Variants in AXDND1 observed in about 807,000 individuals in gnomAD.
AXDND1 encodes the protein axonemal dynein light chain domain containing 1.
A neutral mutation model predicts 137.5 loss-of-function variants in AXDND1; 110 were observed. That is an observed-to-expected ratio of 0.80 (90% CI 0.69 to 0.94). The LOEUF is 0.94. AXDND1 is among the 40% of genes least tolerant of loss of function. The probability of loss-of-function intolerance (pLI) is 0.00; values close to 1 mark genes in which losing one functional copy is unlikely to be tolerated. For missense variants in AXDND1, 1,191 were observed against 1,169.8 expected (o/e 1.02, Z -0.26); for synonymous variants, 414 against 399.7 (o/e 1.04, Z -0.43).
intron 17 of AXDND1, 96 bp from the exon 18 acceptor site, chr1:179,483,032 A>T (rs1665610960): frequency 1.3e-6 from 1 of 769,946 alleles, no homozygotes. Flanking sequence ...CTAAGTTTAC[A>T]ATACCCAGCC....
chr1:179,506,208 G>A (rs1668524455), intron 20 of AXDND1, among the ~76,000 whole-genome samples: 1 of 152,058 alleles, frequency 6.6e-6, no homozygotes, highest in Admixed American at 6.5e-5. Context: ...TAGAATTAGA[G>A]TCACTGATAC....
At position 179,468,483 on chromosome 1, in the gene AXDND1, C is replaced by T. The variant is rs773804954; in HGVS notation, c.1839C>T (p.Asp613=). 3 of 1,612,698 alleles carry T rather than the reference C, an allele frequency of 1.9e-6. No individual in the cohort carries two copies. The highest frequency in any genetic ancestry group is 1.3e-5 in the African/African-American group (1 of 74,896). ...TTCCAAGTTTGATTAGTTCTCTTGA[C>T]TTCTGTTCTTTCAAGTTGGAAAACC... ...KILPSLISSL[D]FCSFKLENLE... is the part of the protein sequence containing the mutation. Residue 613 remains aspartate (D), a synonymous_variant, in exon 17 of 26, where the codon GAC becomes GAT. Coordinates refer to ENST00000367618, the MANE Select transcript of AXDND1 (RefSeq NM_144696.6).
intron 23 of AXDND1, 112 bp from the exon 24 acceptor site, chr1:179,533,683 T>C (rs1194959970): frequency 1.4e-6 from 1 of 696,628 alleles, no homozygotes; most frequent in East Asian, 3.0e-5. Flanking sequence ...TAGATAGATA[T>C]GGGTAGTAGA....
At chr1:179,530,099 G>T (rs145436172) in intron 23 of AXDND1, among the ~76,000 whole-genome samples, 2,778 of 152,126 alleles carry the variant, frequency 0.018, 94 homozygotes, top group African/African-American at 0.064. Context: ...GTGCAATCTC[G>T]GCTCACTGCA....
At chr1:179,522,988 A>G (rs1378917837) in intron 21 of AXDND1, among the ~76,000 whole-genome samples, 1 of 151,380 alleles carries the variant, frequency 6.6e-6, no homozygotes, top group Non-Finnish European at 1.5e-5. Flanking sequence ...TTTTGCTTTT[A>G]TAAATATTGC....
Position 179,534,877 on chromosome 1 carries a change from T to G in AXDND1, c.2946T>G (p.Asp982Glu). The G allele has an allele frequency of 6.2e-7, 1 of 1,605,844 alleles. No individual in the cohort carries two copies. Among genetic ancestry groups the G allele is most frequent in the Non-Finnish European group, 8.5e-7 (1 of 1,177,274 alleles). The stretch of plus-strand genomic sequence containing the variant: ...CTAAAGAAGAGAAAGAAAATCAAGA[T>G]GAAAGAGAAGTAAAAGAAGAAGAAG... ...KESKEEKENQ[D>E]EREVKEEEEQ... is the part of the protein sequence containing the mutation. The change falls in exon 25 of 26, where the codon GAT (aspartate) becomes GAG (glutamate). Residue 982 changes from aspartate (D) to glutamate (E), a missense_variant. Physicochemically the swap from Asp to Glu is conservative, Grantham distance 45. Transcript: ENST00000367618.
chr1:179,396,123 T>G (rs539468886), intron 11 of AXDND1, among the ~76,000 whole-genome samples: 7 of 151,248 alleles, frequency 4.6e-5, no homozygotes, highest in Non-Finnish European at 8.8e-5. Context: ...GAGCTGAGTT[T>G]GTGCCACTGC....
intron 12 of AXDND1, among the ~76,000 whole-genome samples, chr1:179,428,626 AT>A (rs1400525508): frequency 6.6e-6 from 1 of 152,204 alleles, no homozygotes; most frequent in African/African-American, 2.4e-5. Flanking sequence ...TGCCTTTTTC[AT>A]TCTCATTCTT....
chr1:179,460,894 G>A (rs1243149579), intron 16 of AXDND1, among the ~76,000 whole-genome samples: 1 of 152,070 alleles, frequency 6.6e-6, no homozygotes, highest in African/African-American at 2.4e-5. Context: ...TTGTTGATGG[G>A]GTTGTTTGTT....
Position 179,491,610 on chromosome 1 carries a change from G to A in AXDND1, c.2164G>A (p.Asp722Asn), listed in dbSNP as rs144846426. The A allele has an allele frequency of 2.8e-5, 45 of 1,613,542 alleles. No homozygotes were observed. The highest frequency in any genetic ancestry group is 3.4e-5 in the Non-Finnish European group (40 of 1,179,650). The change falls in exon 19 of 26, where the codon GAC becomes AAC. Residue 722 changes from aspartate (D) to asparagine (N), a missense_variant. Physicochemically the swap from Asp to Asn is conservative, Grantham distance 23 (BLOSUM62 1). Coordinates refer to ENST00000367618, the MANE Select transcript of AXDND1 (RefSeq NM_144696.6). ...LLILMIPNFT[D>N]QDCLLKLEEE... Reference sequence around the variant, plus strand: ...GATTTTAATGATACCCAACTTTACTGACCAAGACTGTCTCCTAAAGTTGGA... The same window carrying A: ...GATTTTAATGATACCCAACTTTACTAACCAAGACTGTCTCCTAAAGTTGGA...
Position 179,432,307 on chromosome 1 carries a change from A to C in AXDND1, c.1528A>C (p.Asn510His). 2 of 1,573,366 alleles carry C rather than the reference A, an allele frequency of 1.3e-6. No homozygotes were observed. The highest frequency in any genetic ancestry group is 1.7e-6 in the Non-Finnish European group (2 of 1,157,372). The change falls in exon 15 of 26, where the codon AAT (asparagine) becomes CAT (histidine). Residue 510 changes from asparagine (N) to histidine (H), a missense_variant. Coordinates refer to ENST00000367618, the MANE Select transcript of AXDND1 (RefSeq NM_144696.6). ...ILSPNKGNIF[N>H]SVLLDFKQWQ... ...ATCCCCTAATAAGGGAAATATATTT[A>C]ATTCAGTTCTTTTAGACTTCAAACA...
chr1:179,471,401 T>C lies in AXDND1; in HGVS notation c.1997+2760T>C, dbSNP rs1663914291. 3.3e-5 allele frequency among the ~76,000 whole-genome samples: 5 copies of C among 152,308 alleles called. No homozygotes were observed. In the South Asian group the frequency reaches 1.0e-3, roughly 32 times the overall value. ...ATCTCTTCACTTGTTAAAAGTCTAT[T>C]TATATTGTCTATTTCTTATTGAATC... On this transcript the variant is annotated intron_variant, in intron 17 of 25. Transcript: ENST00000367618.
intron 25 of AXDND1, among the ~76,000 whole-genome samples, chr1:179,546,553 T>G (rs541501118): frequency 6.6e-6 from 1 of 152,250 alleles, no homozygotes; most frequent in East Asian, 1.9e-4. Context: ...TGCTTGCATA[T>G]GGGAGACTAG....
At chr1:179,495,911 T>TTTTTG (rs1422622420) in intron 20 of AXDND1, among the ~76,000 whole-genome samples, 1 of 151,120 alleles carries the variant, frequency 6.6e-6, no homozygotes, top group Non-Finnish European at 1.5e-5. Context: ...TTTTTTTTTT[T>TTTTTG]TTTAGTCAGT....
At chr1:179,489,222 A>G (rs748222714) in intron 18 of AXDND1, among the ~76,000 whole-genome samples, 3 of 151,190 alleles carry the variant, frequency 2.0e-5, no homozygotes, top group Non-Finnish European at 3.0e-5. Context: ...TTCACTTTCC[A>G]TCTCATTAAA....
intron 11 of AXDND1, among the ~76,000 whole-genome samples, chr1:179,404,915 T>A (rs1284301971): frequency 5.9e-5 from 9 of 152,232 alleles, no homozygotes; most frequent in Non-Finnish European, 1.0e-4. Flanking sequence ...CTTTTTTTTT[T>A]TTAATTATAC....
At chr1:179,417,872 CT>C (rs887505798) in intron 12 of AXDND1, among the ~76,000 whole-genome samples, 22 of 150,902 alleles carry the variant, frequency 1.5e-4, no homozygotes, top group East Asian at 9.8e-4. Context: ...TTTTTTATGT[CT>C]TTTTTTTAAT....
At chr1:179,483,780 A>G (rs992625644) in intron 18 of AXDND1, among the ~76,000 whole-genome samples, 7 of 152,242 alleles carry the variant, frequency 4.6e-5, no homozygotes, top group African/African-American at 1.4e-4. Context: ...CTGCATTATT[A>G]AAATTAATCT....
chr1:179,385,403 A>G (rs1450913557), intron 9 of AXDND1, 44 bp downstream of exon 9: 5 of 1,608,678 alleles, frequency 3.1e-6, no homozygotes, highest in Non-Finnish European at 2.6e-6. Context: ...TTTGATTTTT[A>G]TATTAGATTT....
Sources: allele counts gnomAD v4.1 joint callset (sites outside exome capture counted in the v4.1 genomes callset), GRCh38; gene constraint gnomAD v4.1.1; transcripts MANE v1.5; gene names NCBI Gene and HGNC (gene_info 2026-07-23, HGNC 2026-07-21).